Variants in THRB observed in about 807,000 individuals in gnomAD.
THRB encodes the protein nuclear receptor subfamily 1 group A member 2.
In THRB, 12 loss-of-function variants were observed where a neutral mutation model predicts 47.8. That is an observed-to-expected ratio of 0.25 (90% CI 0.16 to 0.41). The LOEUF is 0.41. Among genes scored for constraint, THRB ranks in the 10% least tolerant of loss-of-function variants. THRB has a pLI of 1.00. For missense variants in THRB, 348 were observed against 589.2 expected, an observed-to-expected ratio of 0.59 and a Z score of 4.24; for synonymous variants, 218 against 212.2, an observed-to-expected ratio of 1.03 and a Z score of -0.24.
chr3:24,390,953 C>T (rs533122009), intron 1 of THRB, among the ~76,000 whole-genome samples: 1 of 152,134 alleles, frequency 6.6e-6, no homozygotes, highest in South Asian at 2.1e-4. Flanking sequence ...TAAGGCAGCC[C>T]TGCAGACAAT....
chr3:24,146,537 G>T (rs2036130847), intron 7 of THRB, 138 bp downstream of exon 7: 2 of 882,964 alleles, frequency 2.3e-6, no homozygotes, highest in African/African-American at 3.3e-5. Flanking sequence ...GGGGAGTGAG[G>T]GGTGTATGCG....
chr3:24,449,833 T>C (rs1166928744), intron 1 of THRB, among the ~76,000 whole-genome samples: 2 of 152,194 alleles, frequency 1.3e-5, no homozygotes, highest in Non-Finnish European at 2.9e-5. Flanking sequence ...GAGTGAATAA[T>C]AGGACGCTAA....
intron 1 of THRB, among the ~76,000 whole-genome samples, chr3:24,444,287 G>A (rs1037652155): frequency 1.2e-4 from 18 of 152,038 alleles, no homozygotes; most frequent in African/African-American, 4.3e-4. Flanking sequence ...TAAAACTCAG[G>A]AGAACTAAGT....
In THRB at chr3:24,143,531, G is replaced by T. The variant is rs930984514; in HGVS notation, c.708C>A (p.Gly236=). The T allele has an allele frequency of 1.9e-6, 3 of 1,614,110 alleles. No homozygotes were observed. Among genetic ancestry groups the T allele is most frequent in the Non-Finnish European group, 2.5e-6 (3 of 1,180,048 alleles). The change falls in exon 8 of 11, where the codon GGC becomes GGA. Residue 236 remains glycine, a synonymous_variant. Transcript: ENST00000646209. The part of the protein sequence containing the change: ...TEAHVATNAQ[G]SHWKQKRKFL... Reference sequence around the variant, plus strand: ...ATTTCCGTTTTTGCTTCCAGTGGCTGCCTTGGGCGTTGGTCGCCACATGGG... The same window carrying T: ...ATTTCCGTTTTTGCTTCCAGTGGCTTCCTTGGGCGTTGGTCGCCACATGGG...
intron 1 of THRB, among the ~76,000 whole-genome samples, chr3:24,377,379 G>A (rs1198827693): frequency 6.6e-6 from 1 of 152,102 alleles, no homozygotes; most frequent in East Asian, 1.9e-4. Flanking sequence ...AGTTGGGCCA[G>A]TGACTGTCCT....
At chr3:24,209,097 C>A (rs1024793372) in intron 4 of THRB, among the ~76,000 whole-genome samples, 15 of 152,232 alleles carry the variant, frequency 9.9e-5, no homozygotes, top group Admixed American at 9.8e-4. Flanking sequence ...CTCATAATCA[C>A]TGGCCATCAG....
At chr3:24,388,891 T>C (rs1295750705) in intron 1 of THRB, among the ~76,000 whole-genome samples, 1 of 152,164 alleles carries the variant, frequency 6.6e-6, no homozygotes, top group African/African-American at 2.4e-5. Flanking sequence ...TTCTGTGTAG[T>C]AGTAATCTTG....
At chr3:24,363,604 T>C (rs1028726386) in intron 1 of THRB, among the ~76,000 whole-genome samples, 1 of 152,074 alleles carries the variant, frequency 6.6e-6, no homozygotes, top group African/African-American at 2.4e-5. Context: ...TCAAAAAAAA[T>C]TTTTCAAACA....
chr3:24,435,254 G>A (rs573556522), intron 1 of THRB, among the ~76,000 whole-genome samples: 17 of 152,142 alleles, frequency 1.1e-4, no homozygotes, highest in East Asian at 5.8e-4. Context: ...TAAACTGAGC[G>A]GGTAGATAGA....
rs142195366 is a variant in THRB at position 24,253,323 on chromosome 3, C to T, written c.-42-24322G>A. On this transcript the variant is annotated intron_variant, in intron 3 of 10. Coordinates refer to ENST00000646209, the MANE Select transcript of THRB (RefSeq NM_001354712.2). The stretch of plus-strand genomic sequence containing the variant: ...AACTTTACTGCTTACAGGGGCTAGA[C>T]ATTAATTCATTCAACAGATAGGCAT... Among the ~76,000 whole-genome samples the T allele has an allele frequency of 1.8e-4, 28 of 152,264 alleles. No individual in the cohort carries two copies. The East Asian group carries it at 5.2e-3, about 28-fold the overall frequency.
chr3:24,352,933 A>T (rs2063446947), intron 1 of THRB, among the ~76,000 whole-genome samples: 1 of 152,146 alleles, frequency 6.6e-6, no homozygotes, highest in Non-Finnish European at 1.5e-5. Flanking sequence ...AGCTATTTTT[A>T]AAAATGTAAT....
At chr3:24,130,066 T>G (rs767122785) in intron 9 of THRB, among the ~76,000 whole-genome samples, 1 of 152,034 alleles carries the variant, frequency 6.6e-6, no homozygotes, top group South Asian at 2.1e-4. Flanking sequence ...CTCTTTTGGG[T>G]TTGAGAGAGA....
rs933000837 is a variant in THRB at position 24,118,005 on chromosome 3, A to AC, written c.*4878dup. 4 of 152,004 alleles carry AC rather than the reference A, an allele frequency of 2.6e-5. No homozygotes were observed. Among genetic ancestry groups the AC allele is most frequent in the Admixed American group, 1.3e-4 (2 of 15,248 alleles). 9.4% of individuals were successfully genotyped at this position (152,004 alleles called of 1,614,324 possible). A position where few individuals can be genotyped will look rare whatever the true frequency, so the allele number is the denominator to read the frequency against. On this transcript the variant is annotated 3_prime_UTR_variant, in exon 11 of 11. Coordinates refer to ENST00000646209, the MANE Select transcript of THRB (RefSeq NM_001354712.2). Reference sequence around the variant, plus strand: ...CTTTGTGGCCCCTTCCAAAGAGGTAACCCCCCATCAGCATTTTACTTAGTT... The same window carrying AC: ...CTTTGTGGCCCCTTCCAAAGAGGTAACCCCCCCATCAGCATTTTACTTAGTT...
chr3:24,283,269 C>T (rs1425039058), intron 3 of THRB, among the ~76,000 whole-genome samples: 2 of 152,332 alleles, frequency 1.3e-5, no homozygotes, highest in Middle Eastern at 3.4e-3. Flanking sequence ...GGATGCAAGG[C>T]TGGTTCAATA....
At chr3:24,456,570 T>C (rs80223704) in intron 1 of THRB, among the ~76,000 whole-genome samples, 1 of 151,522 alleles carries the variant, frequency 6.6e-6, no homozygotes, top group African/African-American at 2.4e-5. Flanking sequence ...GTAAGTATTA[T>C]CTTGTATTAA....
intron 5 of THRB, among the ~76,000 whole-genome samples, chr3:24,175,208 CCATTT>C (rs2040982231): frequency 6.6e-6 from 1 of 152,140 alleles, no homozygotes. Context: ...AAGATTTGTT[CCATTT>C]AAGTTTTCAA....
chr3:24,133,605 C>G (rs1036255735), intron 8 of THRB, 143 bp from the exon 9 acceptor site: 1 of 793,650 alleles, frequency 1.3e-6, no homozygotes, highest in Admixed American at 2.1e-5. Context: ...ACAAACTGTA[C>G]AGTTTACACA....
In THRB at chr3:24,385,799, A is replaced by C. The variant is rs973204759; in HGVS notation, c.-260-48428T>G. Among the ~76,000 whole-genome samples, 3 of 152,266 alleles carry C rather than the reference A, an allele frequency of 2.0e-5. No individual in the cohort carries two copies. The East Asian group carries it at 5.8e-4, about 29-fold the overall frequency. ...AATGGAACTGGCCTATAGAGCTTCT[A>C]GAAAATTTCCAGATAAATCATCACG... On this transcript the variant is annotated intron_variant, in intron 1 of 10. Coordinates refer to ENST00000646209, the MANE Select transcript of THRB (RefSeq NM_001354712.2).
chr3:24,177,332 C>T (rs1559519218), intron 5 of THRB, among the ~76,000 whole-genome samples: 1 of 152,168 alleles, frequency 6.6e-6, no homozygotes, highest in Non-Finnish European at 1.5e-5. Flanking sequence ...AGAGTTACTG[C>T]TCATTGCAAG....
Sources: allele counts gnomAD v4.1 joint callset (sites outside exome capture counted in the v4.1 genomes callset), GRCh38; gene constraint gnomAD v4.1.1; transcripts MANE v1.5; gene names NCBI Gene and HGNC (gene_info 2026-07-23, HGNC 2026-07-21).